Variants in CPEB3 observed in about 807,000 individuals in gnomAD.
CPEB3 encodes the protein cytoplasmic polyadenylation element binding protein 3.
CPEB3 carries 20 observed loss-of-function variants against 67.2 expected under a neutral mutation model. That is an observed-to-expected ratio of 0.30 (90% confidence interval 0.21 to 0.43). The LOEUF is 0.43. Ranked by LOEUF, CPEB3 falls within the 20% of genes least tolerant of loss-of-function variation. The pLI is 1.00. For synonymous variants in CPEB3, 376 were observed against 393.1 expected, an observed-to-expected ratio of 0.96 and a Z score of 0.51; for missense variants, 746 against 968.6, an observed-to-expected ratio of 0.77 and a Z score of 3.05.
chr10:92,284,476 T>C (rs1248172604), intron 1 of CPEB3, among the ~76,000 whole-genome samples: 3 of 152,184 alleles, frequency 2.0e-5, no homozygotes, highest in Non-Finnish European at 4.4e-5. Flanking sequence ...TGGTTTTCTC[T>C]TGCCTCAAGA....
At chr10:92,210,057 T>C (rs1339441055) in intron 2 of CPEB3, among the ~76,000 whole-genome samples, 1 of 151,696 alleles carries the variant, frequency 6.6e-6, no homozygotes, top group African/African-American at 2.4e-5. Flanking sequence ...ACTATTTATA[T>C]AATTATATAC....
At chr10:92,075,803 T>C (rs1205816601) in intron 9 of CPEB3, among the ~76,000 whole-genome samples, 1 of 152,194 alleles carries the variant, frequency 6.6e-6, no homozygotes, top group Non-Finnish European at 1.5e-5. Context: ...ACACTCCATA[T>C]AAAAGCTTCG....
In CPEB3 at chr10:92,225,398, A is replaced by G. The variant is rs527412877; in HGVS notation, c.1005+13948T>C. On this transcript the variant is annotated intron_variant, in intron 2 of 9. Coordinates refer to ENST00000265997, the MANE Select transcript of CPEB3 (RefSeq NM_014912.5). ...ATTCGAAAACTGAAAACAGCTGAGT[A>G]TGGTAGCACATGCTTATAGTCCCAG... 2.2e-4 allele frequency among the ~76,000 whole-genome samples: 33 copies of G among 152,314 alleles called. No individual in the cohort carries two copies. In the East Asian group the frequency reaches 3.1e-3, roughly 14 times the overall value.
In CPEB3 at chr10:92,120,098, CAAAAAAA is replaced by C. The variant is rs34785763; in HGVS notation, c.1454-8911_1454-8905del. Among the ~76,000 whole-genome samples, 16 of 45,246 alleles carry C rather than the reference CAAAAAAA, an allele frequency of 3.5e-4. 1 individual carries two copies. Among genetic ancestry groups the C allele is most frequent in the Admixed American group, 1.6e-3 (5 of 3,172 alleles). The allele number at this position is 45,246 out of a possible 152,430, so 29.7% of individuals were successfully genotyped here. A position where few individuals can be genotyped will look rare whatever the true frequency, so the allele number is the denominator to read the frequency against. The stretch of plus-strand genomic sequence containing the variant: ...TGAAACCCTGTCTCTACTAAAAATA[CAAAAAAA>C]AAAAAAAAAAAACCAAATTGCTACG... On this transcript the variant is annotated intron_variant, in intron 6 of 9. Transcript: ENST00000265997.
At chr10:92,233,312 C>T (rs140447906) in intron 2 of CPEB3, among the ~76,000 whole-genome samples, 141 of 151,976 alleles carry the variant, frequency 9.3e-4, no homozygotes, top group Middle Eastern at 6.9e-3. Context: ...GCAGAGAACT[C>T]GAGGTCAGGA....
chr10:92,136,069 G>A (rs1846080342), intron 6 of CPEB3, among the ~76,000 whole-genome samples: 1 of 151,958 alleles, frequency 6.6e-6, no homozygotes. Context: ...TAAATGATGA[G>A]TTAATGGGTG....
chr10:92,136,495 A>T (rs1846102857), intron 6 of CPEB3, among the ~76,000 whole-genome samples: 1 of 152,222 alleles, frequency 6.6e-6, no homozygotes, highest in Non-Finnish European at 1.5e-5. Context: ...ATAGGAAAAA[A>T]AACTAATAAT....
At chr10:92,108,064 C>T (rs1370573598) in intron 7 of CPEB3, among the ~76,000 whole-genome samples, 6 of 152,032 alleles carry the variant, frequency 3.9e-5, no homozygotes, top group Admixed American at 6.6e-5. Context: ...CCAAAGGGAA[C>T]AGGAGTTTGA....
intron 4 of CPEB3, among the ~76,000 whole-genome samples, chr10:92,146,957 T>A (rs563323294): frequency 2.6e-5 from 4 of 152,220 alleles, no homozygotes; most frequent in Non-Finnish European, 5.9e-5. Flanking sequence ...GTGAATTACA[T>A]GCCTACTCAG....
chr10:92,200,545 CAAAA>C (rs57165866), intron 2 of CPEB3, among the ~76,000 whole-genome samples: 3 of 54,548 alleles, frequency 5.5e-5, no homozygotes, highest in African/African-American at 8.1e-5. Context: ...AACTCCGTCT[CAAAA>C]AAAAAAAAAA....
At chr10:92,171,114 C>T (rs1257603361) in intron 4 of CPEB3, among the ~76,000 whole-genome samples, 1 of 152,142 alleles carries the variant, frequency 6.6e-6, no homozygotes, top group Non-Finnish European at 1.5e-5. Context: ...CAACAAGGCT[C>T]CTCTCATGTG....
intron 3 of CPEB3, among the ~76,000 whole-genome samples, chr10:92,187,548 T>C (rs1028650543): frequency 2.0e-5 from 3 of 152,222 alleles, no homozygotes; most frequent in African/African-American, 7.2e-5. Context: ...TATACGATCT[T>C]ACTTCTCTGC....
At chr10:92,186,996 G>T (rs188476681) in intron 3 of CPEB3, among the ~76,000 whole-genome samples, 20 of 152,250 alleles carry the variant, frequency 1.3e-4, no homozygotes, top group African/African-American at 4.6e-4. Flanking sequence ...TCAAGCCACA[G>T]AAGTAAATAA....
At chr10:92,263,402 G>A (rs114455545) in intron 1 of CPEB3, among the ~76,000 whole-genome samples, 2,025 of 152,176 alleles carry the variant, frequency 0.013, 46 homozygotes, top group African/African-American at 0.047. Flanking sequence ...TTAATAAACC[G>A]TAAAGCAGTA....
At position 92,185,446 on chromosome 10, in the gene CPEB3, C is replaced by T. The variant is rs951851886; in HGVS notation, c.1166-4427G>A. ...TGTTAAAATCACAGTCCCATAAGCTCAATTCACATTCATATTTAAAACACT... is the reference window on the plus strand; with the variant it reads ...TGTTAAAATCACAGTCCCATAAGCTTAATTCACATTCATATTTAAAACACT... On this transcript the variant is annotated intron_variant, in intron 3 of 9. Transcript: ENST00000265997. Among the ~76,000 whole-genome samples the T allele has an allele frequency of 4.6e-5, 7 of 152,066 alleles. No homozygotes were observed. In the East Asian group the frequency reaches 7.7e-4, roughly 17 times the overall value.
At chr10:92,135,439 T>A (rs1846045825) in intron 6 of CPEB3, among the ~76,000 whole-genome samples, 1 of 152,098 alleles carries the variant, frequency 6.6e-6, no homozygotes. Flanking sequence ...ATCAGAGAAA[T>A]GCAAATCAAA....
intron 2 of CPEB3, among the ~76,000 whole-genome samples, chr10:92,209,679 G>C (rs369683039): frequency 1.3e-5 from 2 of 152,000 alleles, no homozygotes; most frequent in South Asian, 4.2e-4. Flanking sequence ...AGCAGCTCAC[G>C]CTTGTAATCC....
chr10:92,147,247 G>A (rs1846731680), intron 4 of CPEB3, among the ~76,000 whole-genome samples: 1 of 152,152 alleles, frequency 6.6e-6, no homozygotes, highest in Non-Finnish European at 1.5e-5. Flanking sequence ...CTTGAGTCCA[G>A]GAGTTCAAGA....
intron 1 of CPEB3, among the ~76,000 whole-genome samples, chr10:92,256,631 C>T (rs931284368): frequency 1.3e-5 from 2 of 152,072 alleles, no homozygotes; most frequent in African/African-American, 4.8e-5. Context: ...GTGATCCGCC[C>T]GCCTCAGCCT....
Sources: allele counts gnomAD v4.1 joint callset (sites outside exome capture counted in the v4.1 genomes callset), GRCh38; gene constraint gnomAD v4.1.1; transcripts MANE v1.5; gene names NCBI Gene and HGNC (gene_info 2026-07-23, HGNC 2026-07-21).